AFAP1: variants seen among roughly 807,000 people sequenced by gnomAD.
The protein encoded by AFAP1 is actin filament associated protein 1, also known as actin filament-associated protein 1.
AFAP1 carries 75 observed loss-of-function variants against 93.9 expected under a neutral mutation model. That is an observed-to-expected ratio of 0.80 (90% CI 0.66 to 0.97). The LOEUF (loss-of-function observed/expected upper bound fraction) is 0.97. Ranked by LOEUF, AFAP1 falls within the 50% of genes least tolerant of loss-of-function variation. AFAP1 has a pLI of 0.00. For missense variants in AFAP1, 1,201 were observed against 1,050.8 expected, an observed-to-expected ratio of 1.14 and a Z score of -1.98; for synonymous variants, 517 against 430.7, an observed-to-expected ratio of 1.20 and a Z score of -2.48.
chr4:7,887,150 G>C (rs955303245), intron 1 of AFAP1, among the ~76,000 whole-genome samples: 1 of 152,194 alleles, frequency 6.6e-6, no homozygotes, highest in Non-Finnish European at 1.5e-5. Context: ...TGGGAGACTG[G>C]AGTAGGAAGG....
At chr4:7,832,663 C>A (rs1711766438) in intron 6 of AFAP1, among the ~76,000 whole-genome samples, 2 of 81,064 alleles carry the variant, frequency 2.5e-5, no homozygotes, top group African/African-American at 1.1e-4. Flanking sequence ...TCCTAAAATT[C>A]ATATGTTAAA....
At chr4:7,846,306 T>C (rs531633681) in intron 4 of AFAP1, among the ~76,000 whole-genome samples, 5 of 152,354 alleles carry the variant, frequency 3.3e-5, no homozygotes, top group African/African-American at 1.2e-4. Flanking sequence ...CTGGTAAATG[T>C]ATTTTACAAC....
Position 7,768,918 on chromosome 4 carries a change from C to T in AFAP1, c.2344G>A (p.Ala782Thr), listed in dbSNP as rs199953617. Residue 782 changes from alanine to threonine, a missense_variant, in exon 17 of 18, where the codon GCG (alanine) becomes ACG (threonine). Physicochemically the swap from Ala to Thr is moderately conservative, Grantham distance 58. Transcript: ENST00000420658. ...DTEGPVPVNS[A>T]AVLKKSQAAP... The stretch of plus-strand genomic sequence containing the variant: ...GCCTGGCTCTTCTTCAAGACGGCCG[C>T]GCTGTTCACCGGCACGGGGCCCTCG... 1.4e-4 allele frequency: 225 copies of T among 1,613,776 alleles called. No homozygotes were observed. The Admixed American group carries it at 3.0e-3, about 22-fold the overall frequency.
intron 6 of AFAP1, among the ~76,000 whole-genome samples, chr4:7,823,212 G>A (rs1483258215): frequency 3.9e-5 from 6 of 151,948 alleles, no homozygotes; most frequent in Non-Finnish European, 7.4e-5. Context: ...TTTTGTCACT[G>A]TTCCCAATGT....
intron 12 of AFAP1, among the ~76,000 whole-genome samples, chr4:7,784,234 G>A (rs563218682): frequency 4.6e-5 from 7 of 152,168 alleles, no homozygotes; most frequent in Admixed American, 6.5e-5. Context: ...ATACCCCTCC[G>A]CCTAAGATGG....
intron 4 of AFAP1, 64 bp from the exon 5 acceptor site, chr4:7,843,414 C>A (rs759756796): frequency 3.5e-6 from 5 of 1,423,098 alleles, no homozygotes; most frequent in Non-Finnish European, 4.8e-6. Flanking sequence ...CCCGTGGGCT[C>A]AAGAGCACGT....
At chr4:7,776,041 C>A (rs576733131) in intron 14 of AFAP1, 1 of 152,286 alleles carries the variant, frequency 6.6e-6, no homozygotes, top group East Asian at 1.9e-4. Context: ...TGTTAAGACA[C>A]ATGGAAGAGA....
chr4:7,897,300 T>A (rs1718842075), intron 1 of AFAP1, among the ~76,000 whole-genome samples: 1 of 152,142 alleles, frequency 6.6e-6, no homozygotes, highest in Admixed American at 6.5e-5. Flanking sequence ...GACCTGCTGT[T>A]TACGAACAAA....
chr4:7,829,256 CT>C (rs555074518), intron 6 of AFAP1, among the ~76,000 whole-genome samples: 96 of 152,348 alleles, frequency 6.3e-4, no homozygotes, highest in African/African-American at 2.2e-3. Flanking sequence ...CCACACAATA[CT>C]GGCTCCCAAG....
intron 1 of AFAP1, among the ~76,000 whole-genome samples, chr4:7,882,589 G>A (rs768286698): frequency 8.5e-5 from 13 of 152,230 alleles, no homozygotes; most frequent in South Asian, 8.3e-4. Flanking sequence ...GGGTGGGTGC[G>A]GTGGCTCACA....
Position 7,763,678 on chromosome 4 carries a change from T to G in AFAP1, c.*87A>C. Reference sequence around the variant, plus strand: ...TCTGGAGTCGTGCAGCTGAGGCCACTCTGGGCAGAGCTTCCTGCCGTCACA... The same window carrying G: ...TCTGGAGTCGTGCAGCTGAGGCCACGCTGGGCAGAGCTTCCTGCCGTCACA... On this transcript the variant is annotated 3_prime_UTR_variant, in exon 18 of 18. Transcript: ENST00000420658. 12 of 1,522,982 alleles carry G rather than the reference T, an allele frequency of 7.9e-6. No individual in the cohort carries two copies. The highest frequency in any genetic ancestry group is 1.1e-5 in the Non-Finnish European group (12 of 1,121,618). 94.3% of individuals were successfully genotyped at this position (1,522,982 alleles called of 1,614,324 possible). A position where few individuals can be genotyped will look rare whatever the true frequency, so the allele number is the denominator to read the frequency against.
chr4:7,864,405 C>T (rs1043607383), intron 3 of AFAP1, among the ~76,000 whole-genome samples: 9 of 152,216 alleles, frequency 5.9e-5, no homozygotes, highest in South Asian at 2.1e-4. Context: ...AATAGCGAAA[C>T]GGCCAACTAG....
intron 1 of AFAP1, among the ~76,000 whole-genome samples, chr4:7,875,720 T>C (rs187399036): frequency 2.7e-4 from 41 of 152,082 alleles, no homozygotes; most frequent in Non-Finnish European, 5.1e-4. Flanking sequence ...ATAAATGAAA[T>C]GTGGTATATA....
At chr4:7,839,204 C>T (rs949907301) in intron 5 of AFAP1, among the ~76,000 whole-genome samples, 2 of 151,956 alleles carry the variant, frequency 1.3e-5, no homozygotes, top group African/African-American at 2.4e-5. Flanking sequence ...GGCATGGTGG[C>T]GTGTTCCTAT....
intron 3 of AFAP1, among the ~76,000 whole-genome samples, chr4:7,863,208 G>A (rs1715949999): frequency 6.6e-6 from 1 of 152,198 alleles, no homozygotes. Context: ...CTGAGCCCAG[G>A]AGTTTGAAAG....
intron 17 of AFAP1, among the ~76,000 whole-genome samples, chr4:7,765,005 C>A (rs1339816951): frequency 1.3e-5 from 2 of 152,172 alleles, no homozygotes; most frequent in Non-Finnish European, 2.9e-5. Flanking sequence ...ACTCGGTAGG[C>A]TGAGGCGAGA....
At chr4:7,776,211 C>T (rs1716099047) in intron 14 of AFAP1, 1 of 152,176 alleles carries the variant, frequency 6.6e-6, no homozygotes, top group Non-Finnish European at 1.5e-5. Flanking sequence ...GAAACTACTT[C>T]AGGTAGAAGC....
At chr4:7,863,722 G>C (rs1716021093) in intron 3 of AFAP1, among the ~76,000 whole-genome samples, 1 of 152,062 alleles carries the variant, frequency 6.6e-6, no homozygotes, top group Non-Finnish European at 1.5e-5. Context: ...TTGAATAAAG[G>C]TATGAAGCAC....
At chr4:7,793,541 T>G (rs1237990140) in intron 11 of AFAP1, 140 bp downstream of exon 11, 55 of 949,198 alleles carry the variant, frequency 5.8e-5, no homozygotes, top group Non-Finnish European at 7.4e-5. Flanking sequence ...TCTGCAAAAT[T>G]TGGCTTAAGA....
Sources: allele counts gnomAD v4.1 joint callset (sites outside exome capture counted in the v4.1 genomes callset), GRCh38; gene constraint gnomAD v4.1.1; transcripts MANE v1.5; gene names NCBI Gene and HGNC (gene_info 2026-07-23, HGNC 2026-07-21).